CEP128: variants seen among roughly 807,000 people sequenced by gnomAD.
The protein encoded by CEP128 is centrosomal protein 128.
In CEP128, 132 loss-of-function variants were observed where a neutral mutation model predicts 156.7. The ratio of observed to expected loss-of-function variants is 0.84; its 90% CI spans 0.73 to 0.97. The LOEUF (loss-of-function observed/expected upper bound fraction) is 0.97, where lower values mean the gene tolerates loss of function less well. Ranked by LOEUF, CEP128 falls within the 50% of genes least tolerant of loss-of-function variation. The pLI is 0.00. For missense variants in CEP128, 1,252 were observed against 1,281.9 expected (o/e 0.98, Z 0.36); for synonymous variants, 469 against 448.9 (o/e 1.04, Z -0.57).
In CEP128 at chr14:80,906,047, A is replaced by G; in HGVS notation, c.269T>C (p.Leu90Pro). 1.9e-6 allele frequency: 3 copies of G among 1,608,442 alleles called. No homozygotes were observed. Among genetic ancestry groups the G allele is most frequent in the Non-Finnish European group, 2.5e-6 (3 of 1,178,446 alleles). ...GTTTCTCAATAAACGTTGACTCCGGAGTTGGTCGATTGATTGTTCCAAGCT... is the reference window on the plus strand; with the variant it reads ...GTTTCTCAATAAACGTTGACTCCGGGGTTGGTCGATTGATTGTTCCAAGCT... ...KESLEQSIDQ[L>P]RSQRLLRNSG... Residue 90 changes from leucine (L) to proline (P), a missense_variant, in exon 5 of 25, where the codon CTC becomes CCC. By Grantham distance (98) the Leu-to-Pro change is moderately conservative. Coordinates refer to ENST00000555265, the MANE Select transcript of CEP128 (RefSeq NM_152446.5).
At chr14:80,848,000 T>C (rs990559901) in intron 9 of CEP128, among the ~76,000 whole-genome samples, 3 of 152,188 alleles carry the variant, frequency 2.0e-5, no homozygotes, top group Non-Finnish European at 4.4e-5. Flanking sequence ...CCCTACTCTA[T>C]GCCAAGCACT....
intron 20 of CEP128, among the ~76,000 whole-genome samples, chr14:80,560,904 T>C (rs1435576962): frequency 3.9e-5 from 6 of 152,138 alleles, no homozygotes; most frequent in Admixed American, 3.3e-4. Context: ...TATATATATA[T>C]ATCTCCTACT....
At chr14:80,629,067 AC>A (rs1300451416) in intron 19 of CEP128, among the ~76,000 whole-genome samples, 42 of 141,764 alleles carry the variant, frequency 3.0e-4, no homozygotes, top group South Asian at 6.8e-4. Flanking sequence ...AAAAAAAAAA[AC>A]AAACGGGTTT....
intron 14 of CEP128, among the ~76,000 whole-genome samples, chr14:80,481,497 G>A (rs181542710): frequency 7.2e-5 from 11 of 152,324 alleles, no homozygotes; most frequent in African/African-American, 2.6e-4. Flanking sequence ...ATAATTCAAA[G>A]ATGGTTTGGT....
At chr14:80,706,217 A>G (rs1339627897) in intron 19 of CEP128, among the ~76,000 whole-genome samples, 2 of 152,146 alleles carry the variant, frequency 1.3e-5, no homozygotes, top group Non-Finnish European at 2.9e-5. Flanking sequence ...TTTAATCTTA[A>G]TCTACCTGTT....
chr14:80,770,108 G>C (rs1020507552), intron 16 of CEP128, among the ~76,000 whole-genome samples: 1 of 152,178 alleles, frequency 6.6e-6, no homozygotes, highest in Non-Finnish European at 1.5e-5. Context: ...TTCTCCTCTA[G>C]ACCCTTGTAG....
At chr14:80,618,145 T>G (rs1323196387) in intron 19 of CEP128, among the ~76,000 whole-genome samples, 2 of 152,252 alleles carry the variant, frequency 1.3e-5, no homozygotes, top group Non-Finnish European at 2.9e-5. Flanking sequence ...TATATCTGTA[T>G]AAGATACTAT....
downstream of CEP128, among the ~76,000 whole-genome samples, chr14:80,495,116 C>T (rs191196431): frequency 6.6e-6 from 1 of 152,150 alleles, no homozygotes; most frequent in African/African-American, 2.4e-5. Flanking sequence ...AGGCTTACTG[C>T]AGAATAAAGT....
At position 80,885,792 on chromosome 14, in the gene CEP128, G is replaced by A. The variant is rs544837019; in HGVS notation, c.645+9926C>T. Among the ~76,000 whole-genome samples, 9 of 152,166 alleles carry A rather than the reference G, an allele frequency of 5.9e-5. No homozygotes were observed. In the South Asian group the frequency reaches 1.0e-3, roughly 18 times the overall value. ...CAGAGAATGTGTTTGACAAATTGAC[G>A]GAAGTAGGCTTCAGAAGGTGGGTAA... On this transcript the variant is annotated intron_variant, in intron 8 of 24. Transcript: ENST00000555265.
At position 80,638,084 on chromosome 14, in the gene CEP128, C is replaced by T. The variant is rs542953509; in HGVS notation, c.2807-57661G>A. ...CCAATATGTTTTTGATAATTTGTTACCACAGCCACAGGAACTAAACGAATA... is the reference window on the plus strand; with the variant it reads ...CCAATATGTTTTTGATAATTTGTTATCACAGCCACAGGAACTAAACGAATA... On this transcript the variant is annotated intron_variant, in intron 19 of 24. Transcript: ENST00000555265. Among the ~76,000 whole-genome samples, 9 of 152,318 alleles carry T rather than the reference C, an allele frequency of 5.9e-5. No homozygotes were observed. In the South Asian group the frequency reaches 1.9e-3, roughly 32 times the overall value.
chr14:80,824,932 C>A (rs937850468), intron 13 of CEP128, among the ~76,000 whole-genome samples: 2 of 152,100 alleles, frequency 1.3e-5, no homozygotes, highest in Non-Finnish European at 2.9e-5. Context: ...CGAGACTGGG[C>A]AATTTACAAA....
chr14:80,838,874 A>C (rs1481319560), intron 10 of CEP128, among the ~76,000 whole-genome samples: 2 of 152,124 alleles, frequency 1.3e-5, no homozygotes, highest in African/African-American at 2.4e-5. Flanking sequence ...ATCGATAAAA[A>C]ATGTGACCAG....
chr14:80,786,513 C>T (rs1212420775), intron 14 of CEP128, among the ~76,000 whole-genome samples: 1 of 152,070 alleles, frequency 6.6e-6, no homozygotes, highest in African/African-American at 2.4e-5. Context: ...AAAGTTTCCC[C>T]AATCCTGCTC....
At chr14:80,777,652 G>A (rs929364074) in intron 16 of CEP128, among the ~76,000 whole-genome samples, 3 of 151,910 alleles carry the variant, frequency 2.0e-5, no homozygotes, top group Non-Finnish European at 4.4e-5. Flanking sequence ...TCTATTTTAA[G>A]ACAGAAAAAA....
Position 80,955,828 on chromosome 14 carries a change from T to C in CEP128, c.-172+2350A>G. 1 of 1,614,202 alleles carries C rather than the reference T, an allele frequency of 6.2e-7. No individual in the cohort carries two copies. Among genetic ancestry groups the C allele is most frequent in the Non-Finnish European group, 8.5e-7 (1 of 1,180,038 alleles). On this transcript the variant is annotated intron_variant, in intron 2 of 7. Coordinates refer to the CEP128 transcript ENST00000555529. The stretch of plus-strand genomic sequence containing the variant: ...CAAGGATATTCAACGCATCCCCAGC[T>C]TACCGCCCAGTACGCAGACTCTGTG...
rs779823907 is a variant in CEP128, at chr14:80,899,971, T to C, written c.539A>G (p.Asp180Gly). 4 of 1,613,758 alleles carry C rather than the reference T, an allele frequency of 2.5e-6. No individual in the cohort carries two copies. Among genetic ancestry groups the C allele is most frequent in the South Asian group, 2.2e-5 (2 of 91,064 alleles). Residue 180 changes from aspartate (D) to glycine (G), a missense_variant, in exon 7 of 25, where the codon GAT becomes GGT. Asp to Gly is a moderately conservative substitution (Grantham distance 94). Coordinates refer to ENST00000555265, the MANE Select transcript of CEP128 (RefSeq NM_152446.5). ...DLSSEQIRLG[D>G]DFNRELSRRS... ...TCTGGAAAGCTCCCTGTTGAAATCA[T>C]CTCCAAGGCGAATTTGTTCACTGCT...
At chr14:80,590,038 A>G (rs904162732) in intron 19 of CEP128, among the ~76,000 whole-genome samples, 6 of 152,122 alleles carry the variant, frequency 3.9e-5, no homozygotes, top group Non-Finnish European at 7.4e-5. Context: ...TCCGCTTCAC[A>G]TATAAAGAGC....
intron 20 of CEP128, among the ~76,000 whole-genome samples, chr14:80,578,646 T>C (rs1265258769): frequency 6.6e-6 from 1 of 152,172 alleles, no homozygotes; most frequent in Admixed American, 6.6e-5. Context: ...ATTGTGTCAT[T>C]GTAGGATTTC....
chr14:80,858,638 A>T (rs1392389103), intron 9 of CEP128, among the ~76,000 whole-genome samples: 1 of 148,774 alleles, frequency 6.7e-6, no homozygotes, highest in Non-Finnish European at 1.5e-5. Context: ...AATTTTCGCA[A>T]CCTACTCATC....
Sources: gnomAD v4.1 joint callset for allele counts (sites outside exome capture counted in the v4.1 genomes callset) on GRCh38, gnomAD v4.1.1 for gene constraint, MANE v1.5 for transcripts, NCBI Gene and HGNC (gene_info 2026-07-23, HGNC 2026-07-21) for gene names.